NRG3: variants seen among roughly 807,000 people sequenced by gnomAD.
NRG3 encodes the protein pro-neuregulin-3, membrane-bound isoform.
NRG3 carries 31 observed loss-of-function variants against 66.9 expected under a neutral mutation model. That is an observed-to-expected ratio of 0.46 (90% CI 0.35 to 0.63). The LOEUF (loss-of-function observed/expected upper bound fraction) is 0.63. Among genes scored for constraint, NRG3 ranks in the 20% least tolerant of loss-of-function variants. The pLI is 0.00. For synonymous variants in NRG3, 393 were observed against 359.4 expected (o/e 1.09, Z -1.06); for missense variants, 910 against 878.9 (o/e 1.04, Z -0.45).
intron 1 of NRG3, among the ~76,000 whole-genome samples, chr10:82,158,136 C>A (rs1324661127): frequency 1.3e-5 from 2 of 151,590 alleles, no homozygotes; most frequent in Non-Finnish European, 3.0e-5. Flanking sequence ...GGTAACTGAA[C>A]CTTGATAAGG....
intron 4 of NRG3, among the ~76,000 whole-genome samples, chr10:82,870,992 G>A (rs572688427): frequency 4.6e-5 from 7 of 152,248 alleles, no homozygotes; most frequent in African/African-American, 7.2e-5. Context: ...AAAAGGGATT[G>A]CCAAATCTAG....
intron 2 of NRG3, among the ~76,000 whole-genome samples, chr10:82,737,378 T>C (rs1039606853): frequency 4.6e-5 from 7 of 152,202 alleles, no homozygotes; most frequent in Non-Finnish European, 8.8e-5. Context: ...CCCCTTGCAA[T>C]AGACCTTATT....
chr10:82,162,725 G>C (rs1048490168), intron 1 of NRG3, among the ~76,000 whole-genome samples: 1 of 152,076 alleles, frequency 6.6e-6, no homozygotes, highest in African/African-American at 2.4e-5. Context: ...TGTAACTATG[G>C]GATGTGTTGC....
chr10:82,092,411 C>CA, intron 1 of NRG3, among the ~76,000 whole-genome samples: 2 of 152,170 alleles, frequency 1.3e-5, no homozygotes, highest in Middle Eastern at 6.8e-3. Flanking sequence ...CACACATGCA[C>CA]ATGCACATTC....
chr10:82,973,734 AG>A, intron 6 of NRG3, 53 bp from the exon 7 acceptor site: 1 of 1,604,170 alleles, frequency 6.2e-7, no homozygotes, highest in Non-Finnish European at 8.5e-7. Flanking sequence ...CTGGTGTTAT[AG>A]GCCCTCCATA....
chr10:82,856,619 C>T (rs1264960515), intron 3 of NRG3, among the ~76,000 whole-genome samples: 2 of 151,656 alleles, frequency 1.3e-5, no homozygotes, highest in Non-Finnish European at 2.9e-5. Context: ...GTGGCCGTGC[C>T]TGTAATCCCA....
Position 81,925,244 on chromosome 10 carries a change from A to G in NRG3, c.823+49081A>G, listed in dbSNP as rs1027519320. 2.0e-5 allele frequency among the ~76,000 whole-genome samples: 3 copies of G among 152,250 alleles called. No homozygotes were observed. The East Asian group carries it at 5.8e-4, about 29-fold the overall frequency. Reference sequence around the variant, plus strand: ...TGGGCAGTGTAATCACTCGGGAGGCATGATATAGAGGGAATTGAGGCACAT... The same window carrying G: ...TGGGCAGTGTAATCACTCGGGAGGCGTGATATAGAGGGAATTGAGGCACAT... On this transcript the variant is annotated intron_variant, in intron 1 of 8. Coordinates refer to ENST00000372141, the MANE Select transcript of NRG3 (RefSeq NM_001010848.4).
intron 4 of NRG3, among the ~76,000 whole-genome samples, chr10:82,916,022 G>A (rs1263058128): frequency 3.3e-5 from 5 of 152,014 alleles, no homozygotes; most frequent in African/African-American, 1.2e-4. Context: ...AGAGAATGGA[G>A]GAAGGCAAAA....
chr10:81,935,044 C>T (rs955062334), intron 1 of NRG3, among the ~76,000 whole-genome samples: 1 of 152,144 alleles, frequency 6.6e-6, no homozygotes, highest in Non-Finnish European at 1.5e-5. Flanking sequence ...CTGTTTATTA[C>T]ATTGTGTTAT....
At chr10:82,638,748 G>C (rs2050366318) in intron 2 of NRG3, among the ~76,000 whole-genome samples, 1 of 152,028 alleles carries the variant, frequency 6.6e-6, no homozygotes, top group Admixed American at 6.6e-5. Flanking sequence ...GCAGGTTCAA[G>C]TGATTCTCCT....
rs191549104 is a variant in NRG3 at position 82,243,681 on chromosome 10, G to C, written c.824-115058G>C. On this transcript the variant is annotated intron_variant, in intron 1 of 8. Coordinates refer to ENST00000372141, the MANE Select transcript of NRG3 (RefSeq NM_001010848.4). ...ATTGTCATGATTATATAAAGGTTAA[G>C]TAAATAAGTTACTCCAACTTTCCCA... Among the ~76,000 whole-genome samples, 4 of 152,270 alleles carry C rather than the reference G, an allele frequency of 2.6e-5. No homozygotes were observed. The East Asian group carries it at 7.7e-4, about 29-fold the overall frequency.
intron 2 of NRG3, among the ~76,000 whole-genome samples, chr10:82,534,501 G>A (rs998755798): frequency 6.6e-6 from 1 of 152,008 alleles, no homozygotes; most frequent in Non-Finnish European, 1.5e-5. Context: ...CTGACCTCAG[G>A]TGATCCACCC....
At chr10:82,142,511 A>G (rs549662812) in intron 1 of NRG3, among the ~76,000 whole-genome samples, 1 of 152,046 alleles carries the variant, frequency 6.6e-6, no homozygotes, top group Non-Finnish European at 1.5e-5. Flanking sequence ...TTTCCTTTTC[A>G]CTTATCAGTT....
At chr10:82,044,864 A>C (rs1447782350) in intron 1 of NRG3, among the ~76,000 whole-genome samples, 1 of 151,804 alleles carries the variant, frequency 6.6e-6, no homozygotes, top group African/African-American at 2.4e-5. Flanking sequence ...ATGATTTCCA[A>C]TTTCATCCAT....
intron 2 of NRG3, among the ~76,000 whole-genome samples, chr10:82,634,745 T>A (rs1439728321): frequency 6.6e-6 from 1 of 152,192 alleles, no homozygotes; most frequent in Non-Finnish European, 1.5e-5. Context: ...AAGTACATAT[T>A]TGACACATGT....
At position 82,048,550 on chromosome 10, in the gene NRG3, A is replaced by G. The variant is rs1398024493; in HGVS notation, c.823+172387A>G. 2.7e-5 allele frequency among the ~76,000 whole-genome samples: 4 copies of G among 150,416 alleles called. No homozygotes were observed. In the South Asian group the frequency reaches 6.3e-4, roughly 24 times the overall value. On this transcript the variant is annotated intron_variant, in intron 1 of 8. Transcript: ENST00000372141. ...GAAATAAAGATGTTCTTTGAAACCAACGAGAACGAAGACACAACATACCAG... is the reference window on the plus strand; with the variant it reads ...GAAATAAAGATGTTCTTTGAAACCAGCGAGAACGAAGACACAACATACCAG...
At chr10:82,365,985 CA>C (rs996666865) in intron 2 of NRG3, among the ~76,000 whole-genome samples, 1 of 152,128 alleles carries the variant, frequency 6.6e-6, no homozygotes, top group Non-Finnish European at 1.5e-5. Context: ...AGAATTGACA[CA>C]AATTTGTTTA....
chr10:82,931,667 TA>T (rs1454289850), intron 4 of NRG3, among the ~76,000 whole-genome samples: 5 of 152,214 alleles, frequency 3.3e-5, no homozygotes, highest in African/African-American at 9.6e-5. Flanking sequence ...AGGTTATTGT[TA>T]GGGCTTTTTT....
chr10:82,415,450 A>G (rs1190079234), intron 2 of NRG3, among the ~76,000 whole-genome samples: 1 of 152,198 alleles, frequency 6.6e-6, no homozygotes, highest in Non-Finnish European at 1.5e-5. Context: ...AAGAGAAGGA[A>G]AAATACACAA....
Sources: allele counts gnomAD v4.1 joint callset (sites outside exome capture counted in the v4.1 genomes callset), GRCh38; gene constraint gnomAD v4.1.1; transcripts MANE v1.5; gene names NCBI Gene and HGNC (gene_info 2026-07-23, HGNC 2026-07-21).